The following ITFG2 variants were observed in gnomAD, a reference collection of about 807,000 sequenced individuals.
The protein encoded by ITFG2 is KICSTOR complex protein ITFG2.
Under a neutral mutation model 54.4 loss-of-function variants are expected in ITFG2, and 36 were observed. The ratio of observed to expected loss-of-function variants is 0.66; its 90% CI spans 0.51 to 0.87. The LOEUF (loss-of-function observed/expected upper bound fraction) is 0.87, where lower values mean the gene tolerates loss of function less well. Among genes scored for constraint, ITFG2 ranks in the 40% least tolerant of loss-of-function variants. ITFG2 has a pLI of 0.00. For missense variants in ITFG2, 524 were observed against 576.7 expected (o/e 0.91, Z 0.94); for synonymous variants, 211 against 225.4 (o/e 0.94, Z 0.57).
At chr12:2,830,717 G>A (rs1447497648) in intron 2 of ITFG2, 1 of 1,611,704 alleles carries the variant, frequency 6.2e-7, no homozygotes, top group South Asian at 1.1e-5. Flanking sequence ...CCTTGCAGTT[G>A]ACCAGAAGAG....
intron 2 of ITFG2, chr12:2,855,538 A>C: frequency 1.0e-6 from 1 of 993,090 alleles, no homozygotes; most frequent in African/African-American, 1.6e-5. Context: ...CCCAGGCACG[A>C]CCTCTGCCAG....
chr12:2,830,830 C>T, intron 2 of ITFG2: 1 of 1,613,708 alleles, frequency 6.2e-7, no homozygotes, highest in Non-Finnish European at 8.5e-7. Flanking sequence ...TTTCCCTCCA[C>T]CAGGCGTCTT....
intron 2 of ITFG2, among the ~76,000 whole-genome samples, chr12:2,847,784 CG>C (rs2098057674): frequency 6.6e-6 from 1 of 152,138 alleles, no homozygotes; most frequent in African/African-American, 2.4e-5. Flanking sequence ...AGGTACCTCA[CG>C]TAGGTGAAAT....
At chr12:2,836,435 TCAGA>T (rs1158180329), upstream of ITFG2, among the ~76,000 whole-genome samples, 1 of 152,230 alleles carries the variant, frequency 6.6e-6, no homozygotes, top group African/African-American at 2.4e-5. Flanking sequence ...GCAGTCTGAC[TCAGA>T]CAGCTCCAAG....
intron 2 of ITFG2, among the ~76,000 whole-genome samples, chr12:2,852,683 G>A (rs910614736): frequency 2.0e-5 from 3 of 152,074 alleles, no homozygotes; most frequent in Non-Finnish European, 4.4e-5. Flanking sequence ...TACTTGACCT[G>A]TCCAGCTCAG....
At chr12:2,859,073 T>C in intron 3 of ITFG2, 1 of 1,608,214 alleles carries the variant, frequency 6.2e-7, no homozygotes. Context: ...ATTCAGGGGT[T>C]CTGGGGAGGA....
chr12:2,831,554 A>T (rs2153926226), downstream of ITFG2, among the ~76,000 whole-genome samples: 1 of 151,974 alleles, frequency 6.6e-6, no homozygotes, highest in East Asian at 1.9e-4. Flanking sequence ...ACTGCACTCC[A>T]GTCTGGTTGA....
chr12:2,841,152 C>T (rs1281964646), intron 2 of ITFG2, among the ~76,000 whole-genome samples: 2 of 152,228 alleles, frequency 1.3e-5, no homozygotes, highest in East Asian at 1.9e-4. Context: ...CAGTACAGAA[C>T]GTCATCTCTT....
At chr12:2,830,588 GGA>G in intron 2 of ITFG2, 1 of 1,119,450 alleles carries the variant, frequency 8.9e-7, no homozygotes, top group African/African-American at 1.6e-5. Context: ...TCCAGGCTAG[GGA>G]GAGAGGTGCC....
chr12:2,849,595 G>A (rs1042543910), intron 2 of ITFG2: 2 of 1,499,968 alleles, frequency 1.3e-6, no homozygotes, highest in Non-Finnish European at 1.8e-6. Context: ...GAGAGACGGG[G>A]AAGGGGAAGG....
rs1340096338 is a variant in ITFG2 at position 2,817,277 on chromosome 12, G to T, written c.151G>T (p.Asp51Tyr). Residue 51 changes from aspartate (D) to tyrosine (Y), a missense_variant, in exon 2 of 12, where the codon GAT becomes TAT. Coordinates refer to ENST00000228799, the MANE Select transcript of ITFG2 (RefSeq NM_018463.4). Reference protein sequence around the residue: ...TSGKVSVYKNDDSRPWLTCSC... With the variant: ...TSGKVSVYKNYDSRPWLTCSC... ...CGGGAAGGTGTCTGTGTATAAAAAT[G>T]ATGACAGTCGGCCATGGCTCACCTG... 6.2e-7 allele frequency: 1 copy of T among 1,614,024 alleles called. No homozygotes were observed. Among genetic ancestry groups the T allele is most frequent in the Non-Finnish European group, 8.5e-7 (1 of 1,179,980 alleles).
chr12:2,821,484 C>T, intron 7 of ITFG2, 59 bp from the exon 8 acceptor site: 2 of 1,588,146 alleles, frequency 1.3e-6, no homozygotes, highest in East Asian at 2.2e-5. Flanking sequence ...GAACACCCCT[C>T]TCCCCGTAGG....
intron 9 of ITFG2, 30 bp from the exon 10 acceptor site, chr12:2,822,764 T>C: frequency 7.6e-6 from 12 of 1,584,630 alleles, no homozygotes; most frequent in Non-Finnish European, 1.0e-5. Context: ...ACAGCTCCTT[T>C]ATGTTCCTTT....
intron 10 of ITFG2, among the ~76,000 whole-genome samples, chr12:2,823,170 A>G (rs2097951507): frequency 6.6e-6 from 1 of 152,192 alleles, no homozygotes. Flanking sequence ...ACAATTTTAA[A>G]TAAGAAGAAA....
intron 2 of ITFG2, chr12:2,849,506 C>G: frequency 1.3e-6 from 2 of 1,536,106 alleles, no homozygotes; most frequent in Non-Finnish European, 1.7e-6. Flanking sequence ...AACCTCCCAC[C>G]AGCGGATATG....
In ITFG2 at chr12:2,822,787, T is replaced by C; in HGVS notation, c.949-7T>C. 1 of 1,612,992 alleles carries C rather than the reference T, an allele frequency of 6.2e-7. No homozygotes were observed. The highest frequency in any genetic ancestry group is 2.2e-5 in the East Asian group (1 of 44,880). On this transcript the variant is annotated splice_polypyrimidine_tract_variant and splice_region_variant and intron_variant, in intron 9 of 11. Transcript: ENST00000228799. ...TTTATGTTCCTTTTGTCTCTGTCCTTTTTCAGGGCAACGGGCATGAGGAGG... is the reference window on the plus strand; with the variant it reads ...TTTATGTTCCTTTTGTCTCTGTCCTCTTTCAGGGCAACGGGCATGAGGAGG...
At chr12:2,832,813 C>T (rs560552388), upstream of ITFG2, among the ~76,000 whole-genome samples, 10 of 150,406 alleles carry the variant, frequency 6.6e-5, no homozygotes, top group South Asian at 1.1e-3. Context: ...CACCTCTCCA[C>T]CTGCCCTCTC....
chr12:2,834,733 C>T (rs752617615), upstream of ITFG2: 16 of 1,613,878 alleles, frequency 9.9e-6, no homozygotes, highest in Middle Eastern at 1.6e-4. Context: ...CTGTTTGAGC[C>T]GGCGCTGCTG....
intron 2 of ITFG2, chr12:2,857,207 G>A (rs1198197906): frequency 1.6e-6 from 1 of 619,312 alleles, no homozygotes; most frequent in Non-Finnish European, 2.9e-6. Context: ...GGTTAGACAG[G>A]CAGGGGATAG....
Sources: allele counts gnomAD v4.1 joint callset (sites outside exome capture counted in the v4.1 genomes callset), GRCh38; gene constraint gnomAD v4.1.1; transcripts MANE v1.5; gene names NCBI Gene and HGNC (gene_info 2026-07-23, HGNC 2026-07-21).